Variants in STARD9 observed in about 807,000 individuals in gnomAD.
STARD9 encodes stAR-related lipid transfer protein 9.
A neutral mutation model predicts 399.8 loss-of-function variants in STARD9; 346 were observed. The observed-to-expected ratio is 0.87, with a 90% CI of 0.79 to 0.95. The LOEUF (loss-of-function observed/expected upper bound fraction) is 0.95, where lower values mean the gene tolerates loss of function less well. STARD9 is among the 40% of genes least tolerant of loss of function. STARD9 has a pLI of 0.00. For synonymous variants in STARD9, 2,203 were observed against 2,143.5 expected (o/e 1.03, Z -0.77); for missense variants, 5,832 against 5,667.5 (o/e 1.03, Z -0.93).
intron 9 of STARD9, among the ~76,000 whole-genome samples, chr15:42,654,517 T>C (rs1204895967): frequency 6.6e-6 from 1 of 152,144 alleles, no homozygotes. Flanking sequence ...AACATGATTG[T>C]ATACCTAGAA....
chr15:42,663,017 A>G, intron 11 of STARD9, 126 bp downstream of exon 11: 1 of 779,432 alleles, frequency 1.3e-6, no homozygotes, highest in Non-Finnish European at 2.0e-6. Flanking sequence ...TGGGGCATGA[A>G]AAGTTGATAT....
At chr15:42,700,491 T>C (rs539954662) in intron 26 of STARD9, among the ~76,000 whole-genome samples, 146 of 152,378 alleles carry the variant, frequency 9.6e-4, no homozygotes, top group Non-Finnish European at 1.7e-3. Flanking sequence ...CGAAGTGATA[T>C]TTCATTGTAG....
At position 42,665,853 on chromosome 15, in the gene STARD9, G is replaced by A; in HGVS notation, c.1317+5G>A. ...GTTCTCCAAAATGAATTGAAGGTGG[G>A]TGTGTTGGGTGGACTCAGTTGTTCT... On this transcript the variant is annotated splice_donor_5th_base_variant and intron_variant, in intron 15 of 32. Coordinates refer to ENST00000290607, the MANE Select transcript of STARD9 (RefSeq NM_020759.3). The A allele has an allele frequency of 6.5e-7, 1 of 1,536,908 alleles. No homozygotes were observed. The highest frequency in any genetic ancestry group is 8.7e-7 in the Non-Finnish European group (1 of 1,146,604).
rs1247493707 is a variant in STARD9 at position 42,675,944 on chromosome 15, C to A, written c.1843C>A (p.Leu615Met). 5 of 1,534,900 alleles carry A rather than the reference C, an allele frequency of 3.3e-6. No homozygotes were observed. Among genetic ancestry groups the A allele is most frequent in the Non-Finnish European group, 4.4e-6 (5 of 1,146,398 alleles). ...DLDGDLAASR[L>M]GLSPLLWKER... ...GGATGGAGATCTCGCTGCCTCCCGG[C>A]TGGGTCTCTCCCCTTTGCTTTGGAA... Residue 615 changes from leucine (L) to methionine (M), a missense_variant, in exon 20 of 33, where the codon CTG (leucine) becomes ATG (methionine). Transcript: ENST00000290607.
intron 3 of STARD9, among the ~76,000 whole-genome samples, chr15:42,621,238 A>G (rs1219407807): frequency 6.6e-6 from 1 of 152,110 alleles, no homozygotes; most frequent in Non-Finnish European, 1.5e-5. Flanking sequence ...TTTAATAAAT[A>G]TTTTGTAGGA....
chr15:42,694,187 C>T lies in STARD9; in HGVS notation c.12609C>T (p.Ala4203=), dbSNP rs1246212508. Residue 4203 remains alanine (A), a synonymous_variant, in exon 23 of 33, where the codon GCC becomes GCT. Coordinates refer to ENST00000290607, the MANE Select transcript of STARD9 (RefSeq NM_020759.3). ...KREQIPLQVG[A]QNLSLSVELT... is the part of the protein sequence containing the mutation. ...AGCAGATCCCCCTGCAAGTTGGGGC[C>T]CAGAACCTCTCACTCAGCGTGGAAC... The T allele has an allele frequency of 1.3e-6, 2 of 1,535,800 alleles. No individual in the cohort carries two copies. The highest frequency in any genetic ancestry group is 2.7e-5 in the African/African-American group (2 of 73,130).
At chr15:42,665,055 G>A (rs2060067012) in intron 13 of STARD9, among the ~76,000 whole-genome samples, 198 bp from the exon 14 acceptor site, 1 of 152,134 alleles carries the variant, frequency 6.6e-6, no homozygotes, top group Non-Finnish European at 1.5e-5. Context: ...TTGGTCTGGG[G>A]TGGGCCAAAC....
chr15:42,660,431 G>T (rs2059971178), intron 9 of STARD9, among the ~76,000 whole-genome samples: 1 of 151,982 alleles, frequency 6.6e-6, no homozygotes, highest in Admixed American at 6.6e-5. Context: ...AGGCCTGGTG[G>T]TGCATGCCTG....
chr15:42,638,674 T>C, intron 6 of STARD9, 26 bp from the exon 7 acceptor site: 1 of 1,442,128 alleles, frequency 6.9e-7, no homozygotes, highest in South Asian at 1.3e-5. Context: ...AATATAATTA[T>C]GTTGCCTTTT....
At position 42,668,868 on chromosome 15, in the gene STARD9, G is replaced by GT. The variant is rs376174966; in HGVS notation, c.1318-283dup. On this transcript the variant is annotated intron_variant, in intron 15 of 32. Coordinates refer to ENST00000290607, the MANE Select transcript of STARD9 (RefSeq NM_020759.3). ...TTAAAGAATAACTTGAAAATAACAT[G>GT]TTTTTTTCTAATTATAAAAACAATA... Among the ~76,000 whole-genome samples the GT allele has an allele frequency of 7.5e-4, 114 of 152,116 alleles. 2 individuals carry two copies. The East Asian group carries it at 0.017, about 23-fold the overall frequency.
Position 42,694,076 on chromosome 15 carries a change from C to T in STARD9, c.12498C>T (p.Ser4166=), listed in dbSNP as rs145400823. The T allele has an allele frequency of 1.6e-5, 25 of 1,536,912 alleles. No homozygotes were observed. The highest frequency in any genetic ancestry group is 4.9e-5 in the East Asian group (2 of 40,908). ...TGACTGAGGAGGAGCTGGGGGCCAG[C>T]GGTGATCTCAGCTCTGAAAAGCAGG... ...LDMTEEELGA[S]GDLSSEKQEQ... The change falls in exon 23 of 33, where the codon AGC becomes AGT. Residue 4166 remains serine (S), a synonymous_variant. Coordinates refer to ENST00000290607, the MANE Select transcript of STARD9 (RefSeq NM_020759.3).
chr15:42,583,418 A>C lies in STARD9; in HGVS notation c.117+3A>C. 6.5e-7 allele frequency: 1 copy of C among 1,534,572 alleles called. No individual in the cohort carries two copies. The highest frequency in any genetic ancestry group is 8.7e-7 in the Non-Finnish European group (1 of 1,144,508). On this transcript the variant is annotated splice_donor_region_variant and intron_variant, in intron 2 of 32. Coordinates refer to ENST00000290607, the MANE Select transcript of STARD9 (RefSeq NM_020759.3). ...TGGCAAAAATCAGGAATTTAAAGGT[A>C]AGCCTGAAATTGTTTTTCATTTTCT...
At chr15:42,624,581 C>T (rs1046552969) in intron 3 of STARD9, among the ~76,000 whole-genome samples, 9 of 151,420 alleles carry the variant, frequency 5.9e-5, no homozygotes, top group African/African-American at 2.2e-4. Context: ...CAGAGTCTCC[C>T]TCTGTCATCC....
intron 3 of STARD9, among the ~76,000 whole-genome samples, chr15:42,620,962 C>T (rs1464140616): frequency 6.6e-6 from 1 of 151,984 alleles, no homozygotes; most frequent in African/African-American, 2.4e-5. Flanking sequence ...CCATGTTGGC[C>T]AGTCTGGTCT....
At chr15:42,627,890 G>A (rs1264692755) in intron 3 of STARD9, among the ~76,000 whole-genome samples, 2 of 152,150 alleles carry the variant, frequency 1.3e-5, no homozygotes, top group East Asian at 1.9e-4. Context: ...AATAAACATG[G>A]GAGTGCAGAT....
chr15:42,707,353 C>T (rs1199203603), intron 26 of STARD9, among the ~76,000 whole-genome samples: 2 of 151,966 alleles, frequency 1.3e-5, no homozygotes, highest in African/African-American at 4.8e-5. Flanking sequence ...TTCGCAAATC[C>T]ATCACTGAGA....
Position 42,638,040 on chromosome 15 carries a change from G to C in STARD9, c.399G>C (p.Arg133Ser), listed in dbSNP as rs1408826571. ...GGTTTGTGCAGGGTCTCTTCGTCAG[G>C]GAGAAAGACTGTGCCTCACTGCCTT... ...TPRICEGLFVREKDCASLPSS... is the reference protein window; with the variant it reads ...TPRICEGLFVSEKDCASLPSS... Residue 133 changes from arginine (R) to serine (S), a missense_variant, in exon 6 of 33, where the codon AGG becomes AGC. This residue lies in a region of STARD9 where 5,828 missense variants were observed against 5,651.1 expected (regional missense o/e 1.03). Coordinates refer to ENST00000290607, the MANE Select transcript of STARD9 (RefSeq NM_020759.3). The C allele has an allele frequency of 2.0e-6, 3 of 1,537,186 alleles. No individual in the cohort carries two copies. Among genetic ancestry groups the C allele is most frequent in the Non-Finnish European group, 2.6e-6 (3 of 1,146,938 alleles).
intron 7 of STARD9, among the ~76,000 whole-genome samples, chr15:42,646,031 G>A (rs561945292): frequency 6.6e-6 from 1 of 152,068 alleles, no homozygotes; most frequent in South Asian, 2.1e-4. Context: ...CGTGGTGGCT[G>A]GTGCCTGTAA....
intron 9 of STARD9, among the ~76,000 whole-genome samples, chr15:42,654,520 A>G (rs1265470377): frequency 1.3e-5 from 2 of 152,212 alleles, no homozygotes; most frequent in African/African-American, 4.8e-5. Context: ...ATGATTGTAT[A>G]CCTAGAAAAC....
Sources: allele counts gnomAD v4.1 joint callset (sites outside exome capture counted in the v4.1 genomes callset), GRCh38; gene constraint gnomAD v4.1.1; regional missense constraint gnomAD v4.1.1; transcripts MANE v1.5; gene names NCBI Gene and HGNC (gene_info 2026-07-23, HGNC 2026-07-21).